The following SH3RF3 variants were observed in gnomAD, a reference collection of about 807,000 sequenced individuals.
The protein encoded by SH3RF3 is SH3 domain containing ring finger 3, also known as E3 ubiquitin-protein ligase SH3RF3.
SH3RF3 carries 29 observed loss-of-function variants against 66.3 expected under a neutral mutation model. That is an observed-to-expected ratio of 0.44 (90% CI 0.33 to 0.60). SH3RF3 has a LOEUF of 0.60. SH3RF3 is among the 20% of genes least tolerant of loss of function. SH3RF3 has a pLI of 0.04. For synonymous variants in SH3RF3, 583 were observed against 532.0 expected (o/e 1.10, Z -1.32); for missense variants, 1,194 against 1,190.9 (o/e 1.00, Z -0.04).
chr2:109,387,528 C>A (rs2104400259), intron 3 of SH3RF3, among the ~76,000 whole-genome samples: 1 of 152,332 alleles, frequency 6.6e-6, no homozygotes, highest in Non-Finnish European at 1.5e-5. Context: ...TTCCCACCTG[C>A]CCATCACCCT....
At chr2:109,183,753 G>A (rs140395655) in intron 1 of SH3RF3, among the ~76,000 whole-genome samples, 1 of 152,294 alleles carries the variant, frequency 6.6e-6, no homozygotes, top group Non-Finnish European at 1.5e-5. Flanking sequence ...CAGCAGCTCG[G>A]TCAGGTCAGG....
At chr2:109,419,927 T>C (rs1266002096) in intron 5 of SH3RF3, among the ~76,000 whole-genome samples, 1 of 152,160 alleles carries the variant, frequency 6.6e-6, no homozygotes, top group East Asian at 1.9e-4. Context: ...AGCCATAGTG[T>C]GGAGCAAGCT....
intron 1 of SH3RF3, among the ~76,000 whole-genome samples, chr2:109,139,601 A>G (rs2104825493): frequency 6.6e-6 from 1 of 152,340 alleles, no homozygotes; most frequent in Non-Finnish European, 1.5e-5. Flanking sequence ...TTGGGAGTGT[A>G]TCTGCTGTCT....
At position 109,449,499 on chromosome 2, in the gene SH3RF3, C is replaced by G. The variant is rs1677807016; in HGVS notation, c.2148+10C>G. On this transcript the variant is annotated intron_variant, in intron 8 of 9. Coordinates refer to ENST00000309415, the MANE Select transcript of SH3RF3 (RefSeq NM_001099289.3). Reference sequence around the variant, plus strand: ...GAAGAAAAGTGAAAAGGTAAGAGGCCCATCCTGGACGAGCCCTGGGCTCGA... The same window carrying G: ...GAAGAAAAGTGAAAAGGTAAGAGGCGCATCCTGGACGAGCCCTGGGCTCGA... 11 of 1,612,488 alleles carry G rather than the reference C, an allele frequency of 6.8e-6. No homozygotes were observed. The highest frequency in any genetic ancestry group is 9.3e-6 in the Non-Finnish European group (11 of 1,179,368).
chr2:109,263,103 C>G (rs1461191641), intron 1 of SH3RF3, among the ~76,000 whole-genome samples: 2 of 152,192 alleles, frequency 1.3e-5, no homozygotes, highest in African/African-American at 4.8e-5. Flanking sequence ...ACCTCGGCCT[C>G]CCAAAGGGCT....
At chr2:109,399,777 G>T (rs1676254498) in intron 4 of SH3RF3, among the ~76,000 whole-genome samples, 1 of 152,276 alleles carries the variant, frequency 6.6e-6, no homozygotes, top group African/African-American at 2.4e-5. Context: ...GACTGCAGCA[G>T]GAGATGGAAG....
chr2:109,216,248 T>C (rs950397136), intron 1 of SH3RF3, among the ~76,000 whole-genome samples: 1 of 152,202 alleles, frequency 6.6e-6, no homozygotes, highest in African/African-American at 2.4e-5. Flanking sequence ...AGGTCCTAAC[T>C]ACTTTCTCTC....
At chr2:109,146,726 A>T (rs534241168) in intron 1 of SH3RF3, among the ~76,000 whole-genome samples, 43 of 152,150 alleles carry the variant, frequency 2.8e-4, no homozygotes, top group Non-Finnish European at 4.0e-4. Flanking sequence ...CATAGAGTCT[A>T]CATCTGAGTA....
In SH3RF3 at chr2:109,222,802, C is replaced by A. The variant is rs568029994; in HGVS notation, c.573+92689C>A. Among the ~76,000 whole-genome samples, 96 of 152,372 alleles carry A rather than the reference C, an allele frequency of 6.3e-4. 2 individuals carry two copies. The South Asian group carries it at 0.012, about 19-fold the overall frequency. Reference sequence around the variant, plus strand: ...CTTTTTGGTTTGCTAAAAGACAAAACAAAACACAGGAAATAAAGCACATTT... The same window carrying A: ...CTTTTTGGTTTGCTAAAAGACAAAAAAAAACACAGGAAATAAAGCACATTT... On this transcript the variant is annotated intron_variant, in intron 1 of 9. Coordinates refer to ENST00000309415, the MANE Select transcript of SH3RF3 (RefSeq NM_001099289.3).
intron 1 of SH3RF3, among the ~76,000 whole-genome samples, chr2:109,223,436 C>T (rs535261491): frequency 1.7e-4 from 26 of 152,316 alleles, no homozygotes; most frequent in Admixed American, 1.4e-3. Flanking sequence ...TTTGATTCCT[C>T]GGTTATTTCA....
intron 3 of SH3RF3, among the ~76,000 whole-genome samples, chr2:109,395,155 C>A (rs1676107131): frequency 6.6e-6 from 1 of 152,258 alleles, no homozygotes; most frequent in African/African-American, 2.4e-5. Context: ...ACTCCGCAGG[C>A]AGGCCAGTGC....
intron 1 of SH3RF3, among the ~76,000 whole-genome samples, chr2:109,274,618 A>G (rs1000033478): frequency 3.3e-5 from 5 of 152,212 alleles, no homozygotes; most frequent in African/African-American, 1.2e-4. Context: ...GGTGGTTGCC[A>G]TGGGCTGAGA....
At chr2:109,215,031 T>C (rs1405640880) in intron 1 of SH3RF3, among the ~76,000 whole-genome samples, 4 of 152,194 alleles carry the variant, frequency 2.6e-5, no homozygotes, top group Non-Finnish European at 5.9e-5. Context: ...AAAACAGCTT[T>C]TGTACTTCTA....
At chr2:109,411,818 C>G (rs540913402) in intron 4 of SH3RF3, among the ~76,000 whole-genome samples, 3 of 152,244 alleles carry the variant, frequency 2.0e-5, no homozygotes, top group African/African-American at 7.2e-5. Flanking sequence ...TGACCTCTCT[C>G]TGCTCTTCAT....
intron 1 of SH3RF3, among the ~76,000 whole-genome samples, chr2:109,229,830 T>C (rs1464436926): frequency 5.4e-5 from 6 of 110,282 alleles, no homozygotes; most frequent in African/African-American, 1.3e-4. Context: ...TTCTTTCTTT[T>C]TTTTTTTTTT....
chr2:109,166,041 A>G (rs1020818646), intron 1 of SH3RF3, among the ~76,000 whole-genome samples: 1 of 151,980 alleles, frequency 6.6e-6, no homozygotes, highest in African/African-American at 2.4e-5. Context: ...GTAGATACAT[A>G]CCTTGGTGAG....
At chr2:109,384,155 G>A (rs998990842) in intron 3 of SH3RF3, among the ~76,000 whole-genome samples, 4 of 152,292 alleles carry the variant, frequency 2.6e-5, no homozygotes, top group Admixed American at 1.3e-4. Flanking sequence ...CTTCCAGGCC[G>A]CCTGGGGTCC....
chr2:109,161,851 T>C (rs1677497555), intron 1 of SH3RF3, among the ~76,000 whole-genome samples: 1 of 151,904 alleles, frequency 6.6e-6, no homozygotes, highest in Non-Finnish European at 1.5e-5. Flanking sequence ...CCGTCCAACA[T>C]TGGGGATCAC....
intron 1 of SH3RF3, among the ~76,000 whole-genome samples, chr2:109,171,653 G>A (rs1677786324): frequency 6.6e-6 from 1 of 152,222 alleles, no homozygotes; most frequent in Non-Finnish European, 1.5e-5. Flanking sequence ...ATGAATCCAG[G>A]GCTCCAGGGC....
Sources: allele counts gnomAD v4.1 joint callset (sites outside exome capture counted in the v4.1 genomes callset), GRCh38; gene constraint gnomAD v4.1.1; transcripts MANE v1.5; gene names NCBI Gene and HGNC (gene_info 2026-07-23, HGNC 2026-07-21).